The following CERT1 variants were observed in gnomAD, a reference collection of about 807,000 sequenced individuals.
CERT1 encodes ceramide transporter 1, also known as ceramide transfer protein.
CERT1 carries 31 observed loss-of-function variants against 87.9 expected under a neutral mutation model. The ratio of observed to expected loss-of-function variants is 0.35; its 90% CI spans 0.27 to 0.48. The LOEUF (loss-of-function observed/expected upper bound fraction) is 0.48. Among genes scored for constraint, CERT1 ranks in the 20% least tolerant of loss-of-function variants. The pLI is 0.99. For synonymous variants in CERT1, 289 were observed against 250.9 expected, an observed-to-expected ratio of 1.15 and a Z score of -1.44; for missense variants, 487 against 758.0, an observed-to-expected ratio of 0.64 and a Z score of 4.20.
chr5:75,511,773 G>C, upstream of CERT1: 2 of 1,551,494 alleles, frequency 1.3e-6, no homozygotes, highest in Non-Finnish European at 1.7e-6. Flanking sequence ...GGCTCTCCCG[G>C]GTGACGACGG....
intron 8 of CERT1, among the ~76,000 whole-genome samples, chr5:75,404,302 A>C (rs190616816): frequency 0.11 from 17,005 of 150,058 alleles, 1,007 homozygotes; most frequent in South Asian, 0.21. Flanking sequence ...AAAAAAAAAA[A>C]AAAAAAAAAA....
At chr5:75,506,633 TA>T (rs1199840524) in intron 1 of CERT1, among the ~76,000 whole-genome samples, 2 of 152,212 alleles carry the variant, frequency 1.3e-5, no homozygotes, top group African/African-American at 4.8e-5. Flanking sequence ...TGAAAATTTA[TA>T]ACAGCTGTAA....
chr5:75,460,675 A>G (rs1227279373), intron 2 of CERT1, among the ~76,000 whole-genome samples: 1 of 152,184 alleles, frequency 6.6e-6, no homozygotes, highest in East Asian at 1.9e-4. Flanking sequence ...CAGTGAACTT[A>G]TTTGCTTAAC....
At chr5:75,493,925 ACTG>A (rs746020364) in intron 2 of CERT1, among the ~76,000 whole-genome samples, 1 of 151,972 alleles carries the variant, frequency 6.6e-6, no homozygotes, top group African/African-American at 2.4e-5. Context: ...TTCTTTCCTC[ACTG>A]CTACCATATT....
At chr5:75,369,955 T>C (rs1265184926) in intron 17 of CERT1, 1 of 152,182 alleles carries the variant, frequency 6.6e-6, no homozygotes, top group African/African-American at 2.4e-5. Flanking sequence ...GTAACCAAGT[T>C]CGAATAATGG....
intron 5 of CERT1, 142 bp downstream of exon 5, chr5:75,425,219 C>T (rs1272428283): frequency 4.4e-6 from 3 of 680,408 alleles, no homozygotes; most frequent in Non-Finnish European, 7.3e-6. Flanking sequence ...GTTACAAGGA[C>T]ACTGAAATCT....
intron 3 of CERT1, among the ~76,000 whole-genome samples, chr5:75,457,462 G>A (rs1448644408): frequency 6.6e-6 from 1 of 152,064 alleles, no homozygotes; most frequent in Non-Finnish European, 1.5e-5. Context: ...TTGAATAGTA[G>A]CTCATTTCTC....
chr5:75,383,399 T>C (rs1295090257), intron 14 of CERT1, among the ~76,000 whole-genome samples: 3 of 152,120 alleles, frequency 2.0e-5, no homozygotes, highest in East Asian at 1.9e-4. Context: ...CTTCAGCAGA[T>C]TGTTTTCCAT....
chr5:75,491,267 T>TA lies in CERT1; in HGVS notation c.231+14714dup, dbSNP rs568704878. Among the ~76,000 whole-genome samples the TA allele has an allele frequency of 3.2e-3, 494 of 152,312 alleles. 1 individual carries two copies. The highest frequency in any genetic ancestry group is 5.5e-3 in the Non-Finnish European group (372 of 68,024). On this transcript the variant is annotated intron_variant, in intron 2 of 16. Transcript: ENST00000643780. ...GCTTTAATAGTAGAGAAGAGGGTTG[T>TA]AGGCCTTCTCATTTTTTGGTTCCTT...
chr5:75,501,857 C>T (rs778065989), intron 2 of CERT1, among the ~76,000 whole-genome samples: 6 of 152,034 alleles, frequency 3.9e-5, no homozygotes, highest in Non-Finnish European at 7.4e-5. Flanking sequence ...AATCAAAATT[C>T]AAGTGTAAAT....
chr5:75,501,558 T>C (rs147752995), intron 2 of CERT1, among the ~76,000 whole-genome samples: 18 of 152,312 alleles, frequency 1.2e-4, no homozygotes, highest in African/African-American at 4.3e-4. Flanking sequence ...GCAAATAAAT[T>C]ACTTCTATCT....
At chr5:75,508,609 A>AT (rs1767769551) in intron 1 of CERT1, among the ~76,000 whole-genome samples, 1 of 152,182 alleles carries the variant, frequency 6.6e-6, no homozygotes, top group African/African-American at 2.4e-5. Flanking sequence ...AGATAAGGCA[A>AT]TATGCTAGAC....
chr5:75,503,063 T>C (rs1040412629), intron 2 of CERT1, among the ~76,000 whole-genome samples: 1 of 152,088 alleles, frequency 6.6e-6, no homozygotes, highest in East Asian at 1.9e-4. Flanking sequence ...ACTTTCTTCC[T>C]TGAAATTATT....
intron 2 of CERT1, among the ~76,000 whole-genome samples, chr5:75,459,401 A>G (rs1438839633): frequency 6.6e-6 from 1 of 152,230 alleles, no homozygotes; most frequent in East Asian, 1.9e-4. Flanking sequence ...GTTGTCACAT[A>G]TGCTACAAAC....
At chr5:75,454,975 C>T (rs1449831397) in intron 3 of CERT1, among the ~76,000 whole-genome samples, 1 of 152,130 alleles carries the variant, frequency 6.6e-6, no homozygotes, top group African/African-American at 2.4e-5. Flanking sequence ...GAAGAAGTTC[C>T]AAAGCACTTC....
intron 3 of CERT1, among the ~76,000 whole-genome samples, chr5:75,453,023 C>A (rs1764825870): frequency 6.6e-6 from 1 of 152,068 alleles, no homozygotes; most frequent in Admixed American, 6.6e-5. Flanking sequence ...TCGGGAATAA[C>A]TTTTTTCTGC....
In CERT1 at chr5:75,379,598, T is replaced by C. The variant is rs78612138; in HGVS notation, c.1748-125A>G. The C allele has an allele frequency of 3.2e-5, 29 of 908,684 alleles. No homozygotes were observed. In the East Asian group the frequency reaches 4.0e-4, roughly 13 times the overall value. The allele number at this position is 908,684 out of a possible 1,614,324, so 56.3% of individuals were successfully genotyped here. On this transcript the variant is annotated intron_variant, in intron 16 of 16. Transcript: ENST00000643780. ...TGGACCAATTAGCATCTTTTTTTTTTCTTTTTGAGACGGAGTCTTGCTCTG... is the reference window on the plus strand; with the variant it reads ...TGGACCAATTAGCATCTTTTTTTTTCCTTTTTGAGACGGAGTCTTGCTCTG...
At chr5:75,502,057 G>A (rs1293809663) in intron 2 of CERT1, among the ~76,000 whole-genome samples, 1 of 151,656 alleles carries the variant, frequency 6.6e-6, no homozygotes, top group Non-Finnish European at 1.5e-5. Context: ...ACAATGTGGG[G>A]GAAAATATTT....
At chr5:75,507,708 C>T (rs1767719068) in intron 1 of CERT1, among the ~76,000 whole-genome samples, 1 of 152,164 alleles carries the variant, frequency 6.6e-6, no homozygotes, top group Non-Finnish European at 1.5e-5. Context: ...AAAATAGGCT[C>T]AACTATTTTA....
Sources: allele counts gnomAD v4.1 joint callset (sites outside exome capture counted in the v4.1 genomes callset), GRCh38; gene constraint gnomAD v4.1.1; transcripts MANE v1.5; gene names NCBI Gene and HGNC (gene_info 2026-07-23, HGNC 2026-07-21).